DAB1: variants seen among roughly 807,000 people sequenced by gnomAD.
The protein encoded by DAB1 is disabled homolog 1.
A neutral mutation model predicts 64.6 loss-of-function variants in DAB1; 15 were observed. The observed-to-expected ratio is 0.23, with a 90% CI of 0.16 to 0.36. The LOEUF (loss-of-function observed/expected upper bound fraction) is 0.36. Ranked by LOEUF, DAB1 falls within the 10% of genes least tolerant of loss-of-function variation. The pLI is 1.00. For synonymous variants in DAB1, 235 were observed against 251.9 expected (o/e 0.93, Z 0.64); for missense variants, 596 against 706.7 (o/e 0.84, Z 1.78).
intron 5 of DAB1, among the ~76,000 whole-genome samples, chr1:58,024,630 G>A (rs1202343327): frequency 6.6e-6 from 1 of 152,170 alleles, no homozygotes; most frequent in Non-Finnish European, 1.5e-5. Flanking sequence ...GTTATCTTGT[G>A]ATGGTTAATT....
chr1:57,425,009 A>G (rs964358680), upstream of DAB1, among the ~76,000 whole-genome samples: 6 of 152,172 alleles, frequency 3.9e-5, no homozygotes, highest in African/African-American at 1.4e-4. Context: ...TAGCTCACAA[A>G]GATCCTAGAA....
intron 6 of DAB1, among the ~76,000 whole-genome samples, chr1:57,754,769 G>T (rs1292098422): frequency 6.6e-6 from 1 of 152,120 alleles, no homozygotes; most frequent in Non-Finnish European, 1.5e-5. Flanking sequence ...CTGGTCCAAG[G>T]TCTCACAGCT....
At chr1:57,766,379 G>A (rs1000706599) in intron 6 of DAB1, among the ~76,000 whole-genome samples, 3 of 151,612 alleles carry the variant, frequency 2.0e-5, no homozygotes, top group Admixed American at 6.6e-5. Flanking sequence ...CTCAGAGTAC[G>A]CACCAAAGTC....
intron 5 of DAB1, among the ~76,000 whole-genome samples, chr1:57,895,494 T>A (rs1644379646): frequency 6.6e-6 from 1 of 152,198 alleles, no homozygotes; most frequent in Non-Finnish European, 1.5e-5. Context: ...TACTTTTCAC[T>A]GGGTTCTCTG....
intron 3 of DAB1, among the ~76,000 whole-genome samples, chr1:58,478,778 T>A (rs1645444659): frequency 6.6e-6 from 1 of 152,234 alleles, no homozygotes; most frequent in South Asian, 2.1e-4. Context: ...CGGGTTGAGT[T>A]TGTGCCTTGG....
intron 5 of DAB1, among the ~76,000 whole-genome samples, chr1:57,919,427 G>A (rs1644778396): frequency 6.6e-6 from 1 of 152,206 alleles, no homozygotes; most frequent in African/African-American, 2.4e-5. Flanking sequence ...ATAAACAGGT[G>A]CTTGTGAAAC....
intron 7 of DAB1, among the ~76,000 whole-genome samples, chr1:57,543,568 A>T (rs765771545): frequency 6.6e-6 from 1 of 152,188 alleles, no homozygotes; most frequent in Non-Finnish European, 1.5e-5. Flanking sequence ...AAAGCTGATA[A>T]TGTAAAATAG....
At chr1:57,942,162 GCA>G (rs2102053376) in intron 5 of DAB1, among the ~76,000 whole-genome samples, 1 of 152,236 alleles carries the variant, frequency 6.6e-6, no homozygotes, top group African/African-American at 2.4e-5. Flanking sequence ...TCCTGTCAAG[GCA>G]CACCCTTATA....
chr1:57,441,235 A>T (rs1400610081), intron 7 of DAB1, among the ~76,000 whole-genome samples: 1 of 138,176 alleles, frequency 7.2e-6, no homozygotes, highest in Non-Finnish European at 1.6e-5. Context: ...TTTTATGCAC[A>T]GGTACAATCT....
At chr1:57,188,875 T>C (rs1189983970) in intron 2 of DAB1, among the ~76,000 whole-genome samples, 2 of 152,176 alleles carry the variant, frequency 1.3e-5, no homozygotes, top group African/African-American at 2.4e-5. Flanking sequence ...CTAAAATAGA[T>C]CATCTTAAAA....
rs187563644 is a variant in DAB1, at chr1:58,018,642, A to G, written n.387+131869T>C. On this transcript the variant is annotated intron_variant and non_coding_transcript_variant, in intron 5 of 20. Coordinates refer to the DAB1 transcript ENST00000485760. ...AAGCTAAACTGAAATTTCCAGAACT[A>G]GGGATTTATTTAACAAATGTTTACA... Among the ~76,000 whole-genome samples the G allele has an allele frequency of 3.9e-5, 6 of 152,348 alleles. No individual in the cohort carries two copies. The East Asian group carries it at 7.7e-4, about 20-fold the overall frequency.
chr1:58,168,299 T>G (rs148798897), intron 4 of DAB1, among the ~76,000 whole-genome samples: 75 of 152,244 alleles, frequency 4.9e-4, no homozygotes, highest in African/African-American at 1.7e-3. Context: ...AGGAAAGCCA[T>G]TCAGCTCTGG....
intron 4 of DAB1, among the ~76,000 whole-genome samples, chr1:58,244,552 T>G (rs1660448288): frequency 6.6e-6 from 1 of 152,204 alleles, no homozygotes. Context: ...ATTATGTCAC[T>G]TGGTCAGGAT....
chr1:58,341,559 C>T (rs2100505416), intron 4 of DAB1, among the ~76,000 whole-genome samples: 1 of 152,280 alleles, frequency 6.6e-6, no homozygotes, highest in South Asian at 2.1e-4. Context: ...CTGCAGTTTA[C>T]AGATAAGTGG....
chr1:58,237,445 C>T (rs1660091510), intron 4 of DAB1, among the ~76,000 whole-genome samples: 1 of 152,160 alleles, frequency 6.6e-6, no homozygotes, highest in South Asian at 2.1e-4. Context: ...ATGTGTGCTT[C>T]CAGGCAATCC....
intron 7 of DAB1, among the ~76,000 whole-genome samples, chr1:57,535,852 T>C (rs1404235236): frequency 6.6e-6 from 1 of 152,202 alleles, no homozygotes; most frequent in African/African-American, 2.4e-5. Context: ...GGAGCCCTTT[T>C]ATTAATTTAA....
intron 1 of DAB1, chr1:58,536,484 T>C: frequency 1.2e-6 from 1 of 835,514 alleles, no homozygotes. Context: ...TATTAAGCAG[T>C]CTAATTAAAA....
intron 3 of DAB1, among the ~76,000 whole-genome samples, chr1:57,140,526 T>G (rs1015173175): frequency 1.3e-5 from 2 of 152,150 alleles, no homozygotes; most frequent in African/African-American, 2.4e-5. Flanking sequence ...TGACCAATGA[T>G]GCATGCTACA....
At chr1:58,525,671 C>T (rs946865808) in intron 2 of DAB1, among the ~76,000 whole-genome samples, 6 of 152,038 alleles carry the variant, frequency 3.9e-5, no homozygotes, top group South Asian at 2.1e-4. Flanking sequence ...AATGCAATTC[C>T]AATCAAAACC....
Sources: allele counts gnomAD v4.1 joint callset (sites outside exome capture counted in the v4.1 genomes callset), GRCh38; gene constraint gnomAD v4.1.1; transcripts MANE v1.5; gene names NCBI Gene and HGNC (gene_info 2026-07-23, HGNC 2026-07-21).